CLASP1: variants seen among roughly 807,000 people sequenced by gnomAD.
The protein encoded by CLASP1 is cytoplasmic linker associated protein 1.
In CLASP1, 38 loss-of-function variants were observed where a neutral mutation model predicts 192.3. The ratio of observed to expected loss-of-function variants is 0.20; its 90% CI spans 0.15 to 0.26. CLASP1 has a LOEUF of 0.26. Ranked by LOEUF, CLASP1 falls within the 10% of genes least tolerant of loss-of-function variation. The pLI, the probability that CLASP1 is intolerant of heterozygous loss-of-function variation, is 1.00. For synonymous variants in CLASP1, 691 were observed against 712.8 expected, an observed-to-expected ratio of 0.97 and a Z score of 0.49; for missense variants, 1,433 against 1,932.5, an observed-to-expected ratio of 0.74 and a Z score of 4.85.
At chr2:121,429,838 G>A (rs142318719) in intron 20 of CLASP1, among the ~76,000 whole-genome samples, 44 of 152,304 alleles carry the variant, frequency 2.9e-4, no homozygotes, top group African/African-American at 1.0e-3. Context: ...ACATTTTAAT[G>A]TTTAATGCTT....
rs1004691174 is a variant in CLASP1, at chr2:121,522,125, T to C, written c.546+3720A>G. Among the ~76,000 whole-genome samples, 17 of 152,196 alleles carry C rather than the reference T, an allele frequency of 1.1e-4. 1 individual carries two copies. Among genetic ancestry groups the C allele is most frequent in the Admixed American group, 9.8e-4 (15 of 15,288 alleles). On this transcript the variant is annotated intron_variant, in intron 6 of 39. Transcript: ENST00000263710. ...CATGGATTGATTGTATGTCTGTGTA[T>C]GTGTGTGTGTGCGCGCACGTGTGCA... is the stretch of plus-strand genomic sequence containing the variant.
intron 1 of CLASP1, among the ~76,000 whole-genome samples, chr2:121,610,592 A>C (rs1411949797): frequency 2.2e-4 from 32 of 148,724 alleles, no homozygotes; most frequent in Non-Finnish European, 3.6e-4. Context: ...CTGGAGAAGG[A>C]GGAGGAGGAG....
At chr2:121,594,790 G>C (rs926182146) in intron 2 of CLASP1, among the ~76,000 whole-genome samples, 1 of 152,178 alleles carries the variant, frequency 6.6e-6, no homozygotes, top group African/African-American at 2.4e-5. Context: ...AGGTATTGCA[G>C]TGAAGCACTG....
chr2:121,575,422 T>TA (rs1038691872), intron 2 of CLASP1, among the ~76,000 whole-genome samples: 2 of 152,094 alleles, frequency 1.3e-5, no homozygotes, highest in Admixed American at 6.5e-5. Flanking sequence ...AATTTTTTAA[T>TA]AAAAAACTTT....
At chr2:121,640,629 ACCTTTCCCCAAGGCAG>A (rs1406324950) in intron 1 of CLASP1, among the ~76,000 whole-genome samples, 3 of 152,178 alleles carry the variant, frequency 2.0e-5, no homozygotes, top group South Asian at 4.1e-4. Flanking sequence ...GTGGCAGCAT[ACCTTTCCCCAAGGCAG>A]CCCACTGACC....
At chr2:121,629,573 C>CT (rs2106206336) in intron 1 of CLASP1, among the ~76,000 whole-genome samples, 1 of 151,878 alleles carries the variant, frequency 6.6e-6, no homozygotes, top group East Asian at 2.0e-4. Flanking sequence ...AGTGGATCAC[C>CT]TGAGGTCAGG....
At chr2:121,528,567 C>CTATGG in intron 4 of CLASP1, 110 bp downstream of exon 4, 3 of 791,796 alleles carry the variant, frequency 3.8e-6, no homozygotes, top group Non-Finnish European at 6.6e-6. Context: ...TGTAATACAT[C>CTATGG]AGCTTAAGTC....
chr2:121,586,953 T>C (rs1273762696), intron 2 of CLASP1, among the ~76,000 whole-genome samples: 2 of 152,092 alleles, frequency 1.3e-5, no homozygotes, highest in Non-Finnish European at 2.9e-5. Flanking sequence ...CTTAAGAGAA[T>C]AGATCTGGGC....
At chr2:121,549,631 A>G (rs2057818141) in intron 2 of CLASP1, among the ~76,000 whole-genome samples, 1 of 149,302 alleles carries the variant, frequency 6.7e-6, no homozygotes, top group Admixed American at 6.7e-5. Flanking sequence ...AAATAACAGA[A>G]TATATATGCT....
chr2:121,525,717 G>A (rs2094558918), intron 6 of CLASP1, 128 bp downstream of exon 6: 2 of 660,120 alleles, frequency 3.0e-6, no homozygotes, highest in South Asian at 3.6e-5. Flanking sequence ...ATGGGTACTG[G>A]ATCTCTTAAA....
rs1018167061 is a variant in CLASP1, at chr2:121,541,816, G to T, written c.196-11491C>A. Among the ~76,000 whole-genome samples, 4 of 152,146 alleles carry T rather than the reference G, an allele frequency of 2.6e-5. 1 individual carries two copies. Among genetic ancestry groups the T allele is most frequent in the Non-Finnish European group, 5.9e-5 (4 of 68,038 alleles). Reference sequence around the variant, plus strand: ...ATTTACCTTAAAGAGTACACATGAGGCTAACGAAGTTTTAACAAAATGCTC... The same window carrying T: ...ATTTACCTTAAAGAGTACACATGAGTCTAACGAAGTTTTAACAAAATGCTC... On this transcript the variant is annotated intron_variant, in intron 2 of 39. Transcript: ENST00000263710.
intron 6 of CLASP1, among the ~76,000 whole-genome samples, chr2:121,516,509 T>G (rs1308916809): frequency 6.6e-6 from 1 of 152,182 alleles, no homozygotes; most frequent in African/African-American, 2.4e-5. Flanking sequence ...AGTACGCCGG[T>G]CTGGCCAGAC....
chr2:121,543,987 C>CT (rs2095282239), intron 2 of CLASP1, among the ~76,000 whole-genome samples: 2 of 152,148 alleles, frequency 1.3e-5, no homozygotes, highest in Non-Finnish European at 2.9e-5. Flanking sequence ...GATAAGGAAA[C>CT]TAAGCCCAAA....
chr2:121,459,919 T>C (rs2087538387), intron 12 of CLASP1, 61 bp downstream of exon 12: 3 of 1,472,272 alleles, frequency 2.0e-6, no homozygotes, highest in Non-Finnish European at 2.7e-6. Flanking sequence ...CAAGGAGACA[T>C]CTCTGAAGCT....
At chr2:121,618,741 T>C (rs1008921669) in intron 1 of CLASP1, among the ~76,000 whole-genome samples, 5 of 147,112 alleles carry the variant, frequency 3.4e-5, no homozygotes, top group African/African-American at 1.3e-4. Context: ...TAACAAATAC[T>C]AGAAATTCTA....
intron 1 of CLASP1, among the ~76,000 whole-genome samples, chr2:121,609,812 G>A (rs1055531915): frequency 2.0e-5 from 3 of 152,092 alleles, no homozygotes; most frequent in Admixed American, 1.3e-4. Flanking sequence ...ATGGTGGCAC[G>A]TGCCTGTAAT....
chr2:121,403,176 C>A (rs1559052833), intron 26 of CLASP1, among the ~76,000 whole-genome samples: 1 of 152,112 alleles, frequency 6.6e-6, no homozygotes, highest in Non-Finnish European at 1.5e-5. Flanking sequence ...GTGAGGGTCA[C>A]AGCAGAAAGT....
At chr2:121,632,362 A>G (rs1488888053) in intron 1 of CLASP1, among the ~76,000 whole-genome samples, 1 of 152,252 alleles carries the variant, frequency 6.6e-6, no homozygotes, top group Non-Finnish European at 1.5e-5. Context: ...CCAAAATGTC[A>G]ACTTCTGGGA....
chr2:121,517,437 A>G (rs1308688193), intron 6 of CLASP1, among the ~76,000 whole-genome samples: 7 of 152,206 alleles, frequency 4.6e-5, no homozygotes, highest in Middle Eastern at 3.2e-3. Context: ...CTTCCAGTGG[A>G]AAAAGGCAAA....
Sources: gnomAD v4.1 joint callset for allele counts (sites outside exome capture counted in the v4.1 genomes callset) on GRCh38, gnomAD v4.1.1 for gene constraint, MANE v1.5 for transcripts, NCBI Gene and HGNC (gene_info 2026-07-23, HGNC 2026-07-21) for gene names.